AP3B2: variants seen among roughly 807,000 people sequenced by gnomAD.
The protein encoded by AP3B2 is adaptor related protein complex 3 subunit beta 2, also known as AP-3 complex subunit beta-2.
Under a neutral mutation model 126.9 loss-of-function variants are expected in AP3B2, and 50 were observed. The ratio of observed to expected loss-of-function variants is 0.39; its 90% CI spans 0.31 to 0.50. The LOEUF (loss-of-function observed/expected upper bound fraction) is 0.50, where lower values mean the gene tolerates loss of function less well. AP3B2 is among the 20% of genes least tolerant of loss of function. AP3B2 has a pLI of 0.79. For synonymous variants in AP3B2, 541 were observed against 565.0 expected, an observed-to-expected ratio of 0.96 and a Z score of 0.60; for missense variants, 1,177 against 1,426.4, an observed-to-expected ratio of 0.83 and a Z score of 2.82.
chr15:82,706,278 C>A (rs896079173), intron 1 of AP3B2, among the ~76,000 whole-genome samples: 2 of 152,158 alleles, frequency 1.3e-5, no homozygotes, highest in Non-Finnish European at 2.9e-5. Context: ...TAACTCATTG[C>A]CTTAACTCGA....
Position 82,663,884 on chromosome 15 carries a change from A to G in AP3B2, c.2353T>C (p.Ser785Pro), listed in dbSNP as rs764803195. Residue 785 changes from serine (S) to proline (P), a missense_variant, in exon 20 of 27, where the codon TCC (serine) becomes CCC (proline). Ser to Pro is a moderately conservative substitution (Grantham distance 74). Coordinates refer to ENST00000535359, the MANE Select transcript of AP3B2 (RefSeq NM_001278512.2). Reference sequence around the variant, plus strand: ...TCGGACTCTGATGAGCTACTGCTGGAATCGCTGCCCTCATCAGAGGATGAC... The same window carrying G: ...TCGGACTCTGATGAGCTACTGCTGGGATCGCTGCCCTCATCAGAGGATGAC... ...EASSSDEGSD[S>P]SSSSSESEMT... is the part of the protein sequence containing the mutation. 1.2e-6 allele frequency: 2 copies of G among 1,613,788 alleles called. No homozygotes were observed. Among genetic ancestry groups the G allele is most frequent in the East Asian group, 4.5e-5 (2 of 44,876 alleles).
At chr15:82,702,297 G>A (rs1247175201) in intron 1 of AP3B2, among the ~76,000 whole-genome samples, 3 of 152,136 alleles carry the variant, frequency 2.0e-5, no homozygotes, top group African/African-American at 7.2e-5. Context: ...AAATTTGCTT[G>A]TAACATCTTT....
At chr15:82,669,097 C>T (rs2048106770) in intron 14 of AP3B2, among the ~76,000 whole-genome samples, 1 of 152,176 alleles carries the variant, frequency 6.6e-6, no homozygotes, top group East Asian at 1.9e-4. Context: ...TTGTGCAATC[C>T]CTCACCTTGG....
At chr15:82,704,752 G>T (rs2151462841) in intron 1 of AP3B2, among the ~76,000 whole-genome samples, 1 of 152,380 alleles carries the variant, frequency 6.6e-6, no homozygotes, top group African/African-American at 2.4e-5. Flanking sequence ...CGCCTTGGAA[G>T]CTTCCTGGAC....
Position 82,686,215 on chromosome 15 carries a change from T to C in AP3B2, c.360+2521A>G, listed in dbSNP as rs548501666. 9 of 152,312 alleles carry C rather than the reference T, an allele frequency of 5.9e-5. No individual in the cohort carries two copies. The South Asian group carries it at 1.9e-3, about 32-fold the overall frequency. 9.4% of individuals were successfully genotyped at this position (152,312 alleles called of 1,614,324 possible). On this transcript the variant is annotated intron_variant, in intron 4 of 26. Transcript: ENST00000535359. ...CATAGGGGGTTCAAGGGACCAACTG[T>C]ACAAAGACAGGATGTAGGGAGACCT...
In AP3B2 at chr15:82,677,693, C is replaced by T. The variant is rs754825170; in HGVS notation, c.1356G>A (p.Val452=). ...RVRDTCLNGL[V]QLLSNRDELV... ...GACCATCACGGTTGGACAGCAGCTG[C>T]ACCAGGCCATTGAGGCAGGTGTCAC... Residue 452 remains valine, a synonymous_variant, in exon 12 of 27, where the codon GTG becomes GTA. Coordinates refer to ENST00000535359, the MANE Select transcript of AP3B2 (RefSeq NM_001278512.2). 8.2e-6 allele frequency: 13 copies of T among 1,577,446 alleles called. No homozygotes were observed. The highest frequency in any genetic ancestry group is 1.0e-5 in the Non-Finnish European group (12 of 1,161,314).
intron 10 of AP3B2, 82 bp from the exon 11 acceptor site, chr15:82,678,249 G>T: frequency 1.5e-6 from 2 of 1,335,158 alleles, no homozygotes; most frequent in South Asian, 2.4e-5. Context: ...ACACTTCATA[G>T]ACCAGAAAAC....
rs1268412859 is a variant in AP3B2, at chr15:82,689,810, ACAGCCATGTG to A, written c.114-367_114-358del. On this transcript the variant is annotated intron_variant, in intron 1 of 26. Coordinates refer to ENST00000535359, the MANE Select transcript of AP3B2 (RefSeq NM_001278512.2). ...CCCATGTCTGGTTTCCCATAAGAAGACAGCCATGTGGGCTGGGTGTGGCGGCTCACGCCTG... is the reference window on the plus strand; with the variant it reads ...CCCATGTCTGGTTTCCCATAAGAAGAGGCTGGGTGTGGCGGCTCACGCCTG... 1.5e-4 allele frequency: 35 copies of A among 241,270 alleles called. No homozygotes were observed. In the Admixed American group the frequency reaches 1.6e-3, roughly 11 times the overall value. The allele number at this position is 241,270 out of a possible 1,614,324, so 14.9% of individuals were successfully genotyped here.
At chr15:82,667,253 C>G (rs549388323) in intron 14 of AP3B2, among the ~76,000 whole-genome samples, 1 of 152,202 alleles carries the variant, frequency 6.6e-6, no homozygotes, top group South Asian at 2.1e-4. Flanking sequence ...CCACTCCAGG[C>G]CTGTCCAGCC....
chr15:82,662,282 A>T, intron 23 of AP3B2, 30 bp from the exon 24 acceptor site: 1 of 1,526,584 alleles, frequency 6.6e-7, no homozygotes, highest in South Asian at 1.2e-5. Flanking sequence ...TGAAGGGGAG[A>T]GGGAGGGCCA....
At chr15:82,688,635 T>C (rs959852182) in intron 4 of AP3B2, 101 bp downstream of exon 4, 3 of 1,126,540 alleles carry the variant, frequency 2.7e-6, no homozygotes, top group Non-Finnish European at 2.6e-6. Context: ...GGAAGGGGTC[T>C]GCAGAGCCCG....
intron 1 of AP3B2, among the ~76,000 whole-genome samples, chr15:82,695,091 CT>C (rs2048611000): frequency 9.3e-6 from 1 of 107,482 alleles, no homozygotes; most frequent in South Asian, 3.1e-4. Context: ...TTTTTTCTTT[CT>C]TTCTTTTTTT....
In AP3B2 at chr15:82,680,764, G is replaced by A. The variant is rs1227059901; in HGVS notation, c.772-9C>T. 2 of 1,593,830 alleles carry A rather than the reference G, an allele frequency of 1.3e-6. No homozygotes were observed. The highest frequency in any genetic ancestry group is 1.7e-6 in the Non-Finnish European group (2 of 1,171,304). On this transcript the variant is annotated splice_polypyrimidine_tract_variant and intron_variant, in intron 7 of 26. Coordinates refer to ENST00000535359, the MANE Select transcript of AP3B2 (RefSeq NM_001278512.2). The surrounding 1 kb of genome is among the most constrained non-coding windows in gnomAD (Gnocchi z 6.1). ...TCCTCTAGTAGGGATTCCTGGACGG[G>A]GAGACCGACGGGTCTGTGGGCGCCT...
intron 22 of AP3B2, 100 bp downstream of exon 22, chr15:82,663,027 A>G: frequency 6.7e-7 from 1 of 1,488,828 alleles, no homozygotes; most frequent in South Asian, 1.2e-5. Context: ...AAGCTATCAC[A>G]TCCTCCATCA....
chr15:82,668,712 G>A (rs2048098437), intron 14 of AP3B2, among the ~76,000 whole-genome samples: 1 of 151,726 alleles, frequency 6.6e-6, no homozygotes. Context: ...TGTGGATTGT[G>A]GCATCCTGTG....
chr15:82,670,115 C>G (rs114314439), intron 14 of AP3B2, among the ~76,000 whole-genome samples: 36,404 of 53,642 alleles, frequency 0.68, 12,758 homozygotes, highest in African/African-American at 0.81. Context: ...TTTTTTTTGG[C>G]GGGGGGGGAC....
Position 82,680,153 on chromosome 15 carries a change from C to T in AP3B2, c.1110+22G>A. 6.2e-7 allele frequency: 1 copy of T among 1,612,710 alleles called. No individual in the cohort carries two copies. Among genetic ancestry groups the T allele is most frequent in the Non-Finnish European group, 8.5e-7 (1 of 1,179,726 alleles). On this transcript the variant is annotated intron_variant, in intron 9 of 26. Coordinates refer to ENST00000535359, the MANE Select transcript of AP3B2 (RefSeq NM_001278512.2). The surrounding 1 kb of genome is among the most constrained non-coding windows in gnomAD (Gnocchi z 6.1). ...AGAAGCGGCCCTCGGACAGCGAGGA[C>T]AGCCCGCCGTCGCAGGCTCACCCGG...
At chr15:82,662,583 G>A in intron 23 of AP3B2, 111 bp downstream of exon 23, 1 of 989,986 alleles carries the variant, frequency 1.0e-6, no homozygotes. Context: ...TGCTATCTCT[G>A]TGCCCCTATA....
At position 82,709,631 on chromosome 15, in the gene AP3B2, G is replaced by C; in HGVS notation, c.76C>G (p.Pro26Ala). The C allele has an allele frequency of 6.6e-7, 1 of 1,517,524 alleles. No homozygotes were observed. The highest frequency in any genetic ancestry group is 8.8e-7 in the Non-Finnish European group (1 of 1,135,304). The allele number at this position is 1,517,524 out of a possible 1,614,324, so 94.0% of individuals were successfully genotyped here. ...GPGEPEYGHD[P>A]ASGGIFSSDY... ...GAGGAGAAGATGCCGCCGCTCGCGG[G>C]GTCGTGGCCGTACTCGGGCTCCCCG... The change falls in exon 1 of 27, where the codon CCC becomes GCC. Residue 26 changes from proline (P) to alanine (A), a missense_variant. Around this residue, in one of 5 missense-constraint regions of AP3B2, gnomAD observed 49 missense variants for 39.3 expected, o/e 1.25. Transcript: ENST00000535359.
Sources: gnomAD v4.1 joint callset for allele counts (sites outside exome capture counted in the v4.1 genomes callset) on GRCh38, gnomAD v4.1.1 for gene constraint, gnomAD v4.1.1 regional missense constraint, Gnocchi (gnomAD v3.1) non-coding constraint, MANE v1.5 for transcripts, NCBI Gene and HGNC (gene_info 2026-07-23, HGNC 2026-07-21) for gene names.